The following ADCY2 variants were observed in gnomAD, a reference collection of about 807,000 sequenced individuals.
ADCY2 encodes adenylate cyclase 2, also known as adenylate cyclase type 2.
A neutral mutation model predicts 125.2 loss-of-function variants in ADCY2; 31 were observed. The observed-to-expected ratio is 0.25, with a 90% CI of 0.19 to 0.33. ADCY2 has a LOEUF of 0.33. Ranked by LOEUF, ADCY2 falls within the 10% of genes least tolerant of loss-of-function variation. The probability of loss-of-function intolerance (pLI) is 1.00; values close to 1 mark genes in which losing one functional copy is unlikely to be tolerated. For missense variants in ADCY2, 904 were observed against 1,418.2 expected, an observed-to-expected ratio of 0.64 and a Z score of 5.82; for synonymous variants, 512 against 548.4, an observed-to-expected ratio of 0.93 and a Z score of 0.93.
chr5:7,455,579 CAT>C (rs1741637586), intron 2 of ADCY2, among the ~76,000 whole-genome samples: 2 of 148,794 alleles, frequency 1.3e-5, no homozygotes, highest in East Asian at 2.0e-4. Context: ...AATATAATAA[CAT>C]AAAAATGTAC....
intron 4 of ADCY2, among the ~76,000 whole-genome samples, chr5:7,632,141 C>T (rs971495155): frequency 6.6e-6 from 1 of 152,138 alleles, no homozygotes; most frequent in Non-Finnish European, 1.5e-5. Context: ...AAATGTCACG[C>T]CTGAGCTTTG....
chr5:7,545,676 G>A (rs921648068), intron 3 of ADCY2, among the ~76,000 whole-genome samples: 1 of 152,206 alleles, frequency 6.6e-6, no homozygotes, highest in Non-Finnish European at 1.5e-5. Context: ...CTGTCCTTCA[G>A]AGGGGCAGTT....
intron 1 of ADCY2, among the ~76,000 whole-genome samples, chr5:7,399,185 T>A (rs962351915): frequency 1.3e-5 from 2 of 152,152 alleles, no homozygotes; most frequent in Non-Finnish European, 2.9e-5. Flanking sequence ...TTCCTTTTTT[T>A]CCCCCTGAAT....
chr5:7,568,482 AGTGCTTTG>A (rs1735976014), intron 3 of ADCY2, among the ~76,000 whole-genome samples: 1 of 151,800 alleles, frequency 6.6e-6, no homozygotes, highest in South Asian at 2.1e-4. Context: ...TTGTTGTATG[AGTGCTTTG>A]TCTCACTTCC....
chr5:7,811,425 C>T (rs1170109345), intron 22 of ADCY2, among the ~76,000 whole-genome samples: 2 of 151,284 alleles, frequency 1.3e-5, no homozygotes, highest in African/African-American at 2.4e-5. Context: ...AGTGTGAACC[C>T]GGGAGGCGGA....
intron 15 of ADCY2, among the ~76,000 whole-genome samples, chr5:7,754,888 AAAC>A (rs1467187911): frequency 6.6e-6 from 1 of 152,068 alleles, no homozygotes; most frequent in Non-Finnish European, 1.5e-5. Context: ...AAACAAAACA[AAAC>A]AAAACAAAAA....
chr5:7,695,661 T>C (rs1318682746), intron 5 of ADCY2, 91 bp from the exon 6 acceptor site: 1 of 701,338 alleles, frequency 1.4e-6, no homozygotes, highest in Admixed American at 3.6e-5. Context: ...ATAAGCAAAA[T>C]TACATGATTT....
intron 15 of ADCY2, among the ~76,000 whole-genome samples, chr5:7,745,975 C>T (rs1579384011): frequency 6.6e-6 from 1 of 152,212 alleles, no homozygotes; most frequent in Non-Finnish European, 1.5e-5. Flanking sequence ...TGGTGCCTCC[C>T]TTTCAGCCTC....
At chr5:7,400,364 TA>T (rs1390173774) in intron 1 of ADCY2, among the ~76,000 whole-genome samples, 1 of 152,220 alleles carries the variant, frequency 6.6e-6, no homozygotes, top group Non-Finnish European at 1.5e-5. Context: ...GCTAGATATT[TA>T]AAACAATAAC....
chr5:7,448,012 G>C (rs1741335609), intron 2 of ADCY2, among the ~76,000 whole-genome samples: 1 of 152,156 alleles, frequency 6.6e-6, no homozygotes, highest in African/African-American at 2.4e-5. Flanking sequence ...GGTGTCCCTT[G>C]AAGAGGCCTC....
At chr5:7,531,882 A>G (rs1385939783) in intron 3 of ADCY2, among the ~76,000 whole-genome samples, 2 of 152,164 alleles carry the variant, frequency 1.3e-5, no homozygotes, top group African/African-American at 4.8e-5. Context: ...TTTCAACCCA[A>G]CACGGATACT....
chr5:7,405,486 C>T (rs1739447068), intron 1 of ADCY2, among the ~76,000 whole-genome samples: 1 of 152,122 alleles, frequency 6.6e-6, no homozygotes, highest in Admixed American at 6.5e-5. Context: ...GGCTATCCAC[C>T]ATGGCTGTTG....
chr5:7,766,609 T>A, intron 16 of ADCY2, 78 bp from the exon 17 acceptor site: 1 of 1,465,568 alleles, frequency 6.8e-7, no homozygotes, highest in Non-Finnish European at 9.3e-7. Context: ...GAACACAGAA[T>A]TCATAAAGTT....
At chr5:7,485,366 TAGACAA>T (rs1742886170) in intron 2 of ADCY2, among the ~76,000 whole-genome samples, 1 of 151,920 alleles carries the variant, frequency 6.6e-6, no homozygotes, top group Non-Finnish European at 1.5e-5. Flanking sequence ...CAAAATAAAA[TAGACAA>T]AGACATGAAT....
At chr5:7,479,876 A>T (rs113175155) in intron 2 of ADCY2, among the ~76,000 whole-genome samples, 3,154 of 152,240 alleles carry the variant, frequency 0.021, 124 homozygotes, top group African/African-American at 0.07. Flanking sequence ...GGCTTATTTC[A>T]TGTAACATAA....
At chr5:7,626,084 T>C in intron 3 of ADCY2, 83 bp from the exon 4 acceptor site, 2 of 1,440,400 alleles carry the variant, frequency 1.4e-6, no homozygotes, top group Middle Eastern at 1.8e-4. Context: ...CTCTGAAGAC[T>C]GTTGCTAATG....
At chr5:7,812,585 A>G (rs1744980121) in intron 22 of ADCY2, among the ~76,000 whole-genome samples, 1 of 152,160 alleles carries the variant, frequency 6.6e-6, no homozygotes, top group Non-Finnish European at 1.5e-5. Context: ...GCTTGTATCC[A>G]TTTATTCAAT....
intron 2 of ADCY2, among the ~76,000 whole-genome samples, chr5:7,449,884 G>A (rs920737619): frequency 5.3e-5 from 8 of 152,140 alleles, no homozygotes; most frequent in African/African-American, 1.9e-4. Flanking sequence ...ATCTGCTATA[G>A]TGACCTGTGA....
intron 1 of ADCY2, among the ~76,000 whole-genome samples, chr5:7,413,192 C>T (rs2126326590): frequency 6.6e-6 from 1 of 152,298 alleles, no homozygotes; most frequent in East Asian, 1.9e-4. Context: ...TTAGAGCTGC[C>T]AGTGGGTGGA....
Sources: gnomAD v4.1 joint callset for allele counts (sites outside exome capture counted in the v4.1 genomes callset) on GRCh38, gnomAD v4.1.1 for gene constraint, MANE v1.5 for transcripts, NCBI Gene and HGNC (gene_info 2026-07-23, HGNC 2026-07-21) for gene names.